Variants in POLD3 observed in about 807,000 individuals in gnomAD.
POLD3 encodes the protein DNA polymerase delta 3, accessory subunit, also known as DNA polymerase delta subunit 3.
In POLD3, 19 loss-of-function variants were observed where a neutral mutation model predicts 58.2. The ratio of observed to expected loss-of-function variants is 0.33; its 90% confidence interval spans 0.23 to 0.48. The LOEUF is 0.48. POLD3 is among the 20% of genes least tolerant of loss of function. The pLI is 0.99. For missense variants in POLD3, 504 were observed against 545.5 expected (o/e 0.92, Z 0.76); for synonymous variants, 172 against 193.5 (o/e 0.89, Z 0.92).
At chr11:74,656,082 G>C (rs79062724) in intron 4 of POLD3, among the ~76,000 whole-genome samples, 10 of 152,142 alleles carry the variant, frequency 6.6e-5, no homozygotes, top group Non-Finnish European at 1.3e-4. Flanking sequence ...ATTTATAATA[G>C]TGTCAAGAAC....
At chr11:74,665,022 C>A (rs1591331900) in intron 4 of POLD3, among the ~76,000 whole-genome samples, 1 of 151,974 alleles carries the variant, frequency 6.6e-6, no homozygotes, top group East Asian at 1.9e-4. Flanking sequence ...ATTGCTTGAT[C>A]CCAGGAGACA....
chr11:74,594,897 A>G (rs777324981), intron 2 of POLD3, among the ~76,000 whole-genome samples: 58 of 152,346 alleles, frequency 3.8e-4, no homozygotes, highest in Non-Finnish European at 6.2e-4. Flanking sequence ...AACTGCCCCC[A>G]TAATTCAGTT....
chr11:74,617,151 A>G (rs2032104144), intron 5 of POLD3, among the ~76,000 whole-genome samples: 1 of 152,086 alleles, frequency 6.6e-6, no homozygotes, highest in African/African-American at 2.4e-5. Context: ...GAGAAGGCTA[A>G]ATCAATTACC....
At chr11:74,619,163 G>T (rs7943085) in intron 6 of POLD3, among the ~76,000 whole-genome samples, 11 of 151,888 alleles carry the variant, frequency 7.2e-5, no homozygotes, top group Admixed American at 7.2e-4. Context: ...CTTATATTCT[G>T]GGCTTTGCAA....
At chr11:74,625,943 C>T (rs1478260011) in intron 8 of POLD3, among the ~76,000 whole-genome samples, 1 of 148,584 alleles carries the variant, frequency 6.7e-6, no homozygotes, top group Admixed American at 6.8e-5. Context: ...TTACTGTTTC[C>T]AGTCAAATTT....
intron 6 of POLD3, among the ~76,000 whole-genome samples, chr11:74,619,675 T>C (rs2032191046): frequency 6.6e-6 from 1 of 152,220 alleles, no homozygotes; most frequent in Non-Finnish European, 1.5e-5. Context: ...AATGTAATGT[T>C]TTAGGTTTTC....
intron 3 of POLD3, 117 bp from the exon 4 acceptor site, chr11:74,611,382 A>T: frequency 1.5e-6 from 1 of 662,184 alleles, no homozygotes; most frequent in Non-Finnish European, 2.7e-6. Flanking sequence ...CATATGTTTT[A>T]AGGAGTGCCT....
chr11:74,606,461 G>A (rs928137136), intron 3 of POLD3, among the ~76,000 whole-genome samples: 2 of 152,132 alleles, frequency 1.3e-5, no homozygotes, highest in African/African-American at 4.8e-5. Context: ...AAATCATTAT[G>A]TTTCTTTAAA....
At chr11:74,638,501 A>C (rs1156459336) in intron 11 of POLD3, 1 of 399,170 alleles carries the variant, frequency 2.5e-6, no homozygotes, top group Non-Finnish European at 5.0e-6. Flanking sequence ...TTATACCACC[A>C]ACTAGTAGAA....
chr11:74,607,244 A>ATATATATT (rs1554974455), intron 3 of POLD3, among the ~76,000 whole-genome samples: 2 of 123,432 alleles, frequency 1.6e-5, no homozygotes, highest in African/African-American at 3.8e-5. Flanking sequence ...TTATTATTAT[A>ATATATATT]TATTTATTTA....
chr11:74,609,225 C>T (rs2031800819), intron 3 of POLD3, among the ~76,000 whole-genome samples: 2 of 151,094 alleles, frequency 1.3e-5, no homozygotes, highest in Non-Finnish European at 2.9e-5. Context: ...CTGAAGCCAC[C>T]AATTCAATAT....
intron 7 of POLD3, among the ~76,000 whole-genome samples, chr11:74,622,806 T>C (rs1338299924): frequency 1.3e-5 from 2 of 152,174 alleles, no homozygotes; most frequent in African/African-American, 4.8e-5. Context: ...AAGTTAAACA[T>C]AGAGTTTACC....
intron 3 of POLD3, among the ~76,000 whole-genome samples, chr11:74,607,858 A>G (rs1169334728): frequency 6.6e-6 from 1 of 152,110 alleles, no homozygotes; most frequent in African/African-American, 2.4e-5. Context: ...TCGGCCTTTC[A>G]AAGTGCTAGG....
intron 4 of POLD3, chr11:74,652,643 C>T (rs886794413): frequency 1.3e-5 from 2 of 152,230 alleles, no homozygotes; most frequent in Non-Finnish European, 2.9e-5. Context: ...AGGCACACAA[C>T]ATAGACATTA....
chr11:74,614,169 CTA>C, intron 5 of POLD3, among the ~76,000 whole-genome samples: 1 of 152,338 alleles, frequency 6.6e-6, no homozygotes, highest in South Asian at 2.1e-4. Flanking sequence ...AATTTAGACT[CTA>C]TTCTGAGAGC....
Position 74,641,952 on chromosome 11 carries a change from C to T in POLD3, c.*1186C>T, listed in dbSNP as rs1424917388. On this transcript the variant is annotated 3_prime_UTR_variant, in exon 12 of 12. Transcript: ENST00000263681. ...TACAATGATAACCTTCAAGTGACTT[C>T]CATTATGGCTGGACAGGCGGTGAGC... 2 of 985,324 alleles carry T rather than the reference C, an allele frequency of 2.0e-6. No homozygotes were observed. The highest frequency in any genetic ancestry group is 2.3e-4 in the East Asian group (2 of 8,828). 61.0% of individuals were successfully genotyped at this position (985,324 alleles called of 1,614,324 possible).
At chr11:74,621,611 C>T (rs2032262692) in intron 7 of POLD3, among the ~76,000 whole-genome samples, 2 of 152,100 alleles carry the variant, frequency 1.3e-5, no homozygotes, top group African/African-American at 4.8e-5. Flanking sequence ...ATAGATTGAG[C>T]ACCTGCTATG....
intron 4 of POLD3, 38 bp downstream of exon 4, chr11:74,611,576 T>C (rs2031912119): frequency 1.7e-6 from 2 of 1,209,964 alleles, no homozygotes; most frequent in South Asian, 2.5e-5. Flanking sequence ...TTTCCTCTTA[T>C]GGCATCAGTG....
At chr11:74,658,726 C>T (rs766343061) in intron 4 of POLD3, among the ~76,000 whole-genome samples, 1 of 152,218 alleles carries the variant, frequency 6.6e-6, no homozygotes, top group Non-Finnish European at 1.5e-5. Flanking sequence ...AAAATGATCT[C>T]CTTTGACTCC....
Sources: allele counts gnomAD v4.1 joint callset (sites outside exome capture counted in the v4.1 genomes callset), GRCh38; gene constraint gnomAD v4.1.1; transcripts MANE v1.5; gene names NCBI Gene and HGNC (gene_info 2026-07-23, HGNC 2026-07-21).